IARS1: variants seen among roughly 807,000 people sequenced by gnomAD.
The protein encoded by IARS1 is isoleucine--tRNA ligase, cytoplasmic.
Under a neutral mutation model 168.2 loss-of-function variants are expected in IARS1, and 124 were observed. The ratio of observed to expected loss-of-function variants is 0.74; its 90% CI spans 0.64 to 0.86. The LOEUF is 0.86. Ranked by LOEUF, IARS1 falls within the 40% of genes least tolerant of loss-of-function variation. IARS1 has a pLI of 0.00. For synonymous variants in IARS1, 532 were observed against 529.4 expected, an observed-to-expected ratio of 1.00 and a Z score of -0.07; for missense variants, 1,452 against 1,515.8, an observed-to-expected ratio of 0.96 and a Z score of 0.70.
At chr9:92,282,657 C>T (rs910885577) in intron 6 of IARS1, among the ~76,000 whole-genome samples, 1 of 151,968 alleles carries the variant, frequency 6.6e-6, no homozygotes, top group African/African-American at 2.4e-5. Context: ...GTGGTCTCAG[C>T]TGCTCAGGAG....
At chr9:92,221,212 G>C (rs923438092) in intron 33 of IARS1, among the ~76,000 whole-genome samples, 10 of 152,180 alleles carry the variant, frequency 6.6e-5, no homozygotes, top group African/African-American at 2.4e-4. Flanking sequence ...AAGAGAATAA[G>C]AGGTAGGATA....
chr9:92,266,859 T>C (rs1284651110), intron 14 of IARS1, among the ~76,000 whole-genome samples: 4 of 152,238 alleles, frequency 2.6e-5, no homozygotes, highest in African/African-American at 7.2e-5. Flanking sequence ...TTTCCAGTCA[T>C]GCAGAATCAT....
intron 33 of IARS1, among the ~76,000 whole-genome samples, chr9:92,215,081 G>C (rs868822069): frequency 1.3e-5 from 2 of 152,090 alleles, no homozygotes; most frequent in Non-Finnish European, 2.9e-5. Flanking sequence ...ATCTGAGAAC[G>C]GGCAGACTGC....
At chr9:92,278,307 A>G (rs2133924619) in intron 7 of IARS1, 21 bp from the exon 8 acceptor site, 1 of 1,528,760 alleles carries the variant, frequency 6.5e-7, no homozygotes, top group Non-Finnish European at 9.1e-7. Context: ...AAGGAAAAAC[A>G]TGGACTTGGG....
At chr9:92,284,102 G>A (rs563157917) in intron 6 of IARS1, among the ~76,000 whole-genome samples, 1 of 152,274 alleles carries the variant, frequency 6.6e-6, no homozygotes, top group East Asian at 1.9e-4. Context: ...ACTTGAGCCC[G>A]GGAGGTCAAG....
rs144754696 is a variant in IARS1, at chr9:92,278,279, G to A, written c.753C>T (p.Ala251=). 3.1e-6 allele frequency: 5 copies of A among 1,609,360 alleles called. No homozygotes were observed. The highest frequency in any genetic ancestry group is 4.3e-6 in the Non-Finnish European group (5 of 1,175,776). Residue 251 remains alanine, a synonymous_variant, in exon 8 of 34, where the codon GCC becomes GCT. Coordinates refer to ENST00000443024, the MANE Select transcript of IARS1 (RefSeq NM_002161.6). ...CCATTAAAATGAGTAATCGTCCTCT[G>A]GCAACATCTACGAGAAAAAGGAAAA... is the stretch of plus-strand genomic sequence containing the variant. The part of the protein sequence containing the change: ...EMQYVKIKDV[A]RGRLLILMEA...
chr9:92,253,850 T>A, intron 20 of IARS1: 1 of 483,466 alleles, frequency 2.1e-6, no homozygotes, highest in Non-Finnish European at 4.1e-6. Flanking sequence ...ACACTGTACT[T>A]CAACTAAAAG....
In IARS1 at chr9:92,250,189, T is replaced by C. The variant is rs1396559854; in HGVS notation, c.2530A>G (p.Lys844Glu). ...AAAATAGAAGTAAAATTTCAAACCTTTATGGGAATAGTTTTTCGGTCTCTG... is the reference window on the plus strand; with the variant it reads ...AAAATAGAAGTAAAATTTCAAACCTCTATGGGAATAGTTTTTCGGTCTCTG... The part of the protein sequence containing the change: ...VIRDRKTIPI[K>E]YPLKEIVVIH... Residue 844 changes from lysine (K) to glutamate (E), a missense_variant and splice_region_variant, in exon 24 of 34, where the codon AAG becomes GAG. Lys to Glu is a moderately conservative substitution (Grantham distance 56). Coordinates refer to ENST00000443024, the MANE Select transcript of IARS1 (RefSeq NM_002161.6). 12 of 1,593,442 alleles carry C rather than the reference T, an allele frequency of 7.5e-6. No individual in the cohort carries two copies. Among genetic ancestry groups the C allele is most frequent in the Admixed American group, 6.7e-5 (4 of 59,968 alleles).
intron 33 of IARS1, among the ~76,000 whole-genome samples, chr9:92,212,749 C>T (rs542503453): frequency 1.3e-5 from 2 of 152,070 alleles, no homozygotes; most frequent in African/African-American, 4.8e-5. Context: ...CAAGTGTGTT[C>T]GAGGGAGAGT....
chr9:92,265,605 T>C, intron 14 of IARS1, 52 bp from the exon 15 acceptor site: 2 of 1,343,468 alleles, frequency 1.5e-6, no homozygotes, highest in African/African-American at 1.4e-5. Flanking sequence ...AAACAGAGCA[T>C]ACTGAGTTAA....
At position 92,264,982 on chromosome 9, in the gene IARS1, C is replaced by G; in HGVS notation, c.1647G>C (p.Glu549Asp). 1 of 1,614,134 alleles carries G rather than the reference C, an allele frequency of 6.2e-7. No individual in the cohort carries two copies. Among genetic ancestry groups the G allele is most frequent in the Non-Finnish European group, 8.5e-7 (1 of 1,180,014 alleles). Residue 549 changes from glutamate (E) to aspartate (D), a missense_variant, in exon 16 of 34, where the codon GAG (glutamate) becomes GAC (aspartate). By Grantham distance (45) the Glu-to-Asp change is conservative (BLOSUM62 2). Coordinates refer to ENST00000443024, the MANE Select transcript of IARS1 (RefSeq NM_002161.6). ...CAATGAAATCTGCAGGAAAAGCATC[C>G]TCAAACTCCCTCTTGTTTTCAAACG... The part of the protein sequence containing the change: ...HYPFENKREF[E>D]DAFPADFIAE...
intron 31 of IARS1, among the ~76,000 whole-genome samples, 161 bp downstream of exon 31, chr9:92,228,840 C>A (rs548977078): frequency 7.7e-4 from 93 of 120,332 alleles, no homozygotes; most frequent in African/African-American, 2.5e-3. Flanking sequence ...AATGAGGAGG[C>A]ATGAATAGAC....
intron 29 of IARS1, among the ~76,000 whole-genome samples, chr9:92,241,490 C>CGT (rs1326038678): frequency 4.6e-5 from 7 of 152,040 alleles, no homozygotes; most frequent in Non-Finnish European, 7.4e-5. Flanking sequence ...GGATTACAGG[C>CGT]GTGTACCACC....
At chr9:92,241,982 A>T (rs1469624235) in intron 29 of IARS1, among the ~76,000 whole-genome samples, 172 bp downstream of exon 29, 1 of 151,598 alleles carries the variant, frequency 6.6e-6, no homozygotes, top group Non-Finnish European at 1.5e-5. Context: ...TCCCTGCTCC[A>T]TCTTTTCTGA....
chr9:92,276,515 A>C (rs1454210087), intron 9 of IARS1, among the ~76,000 whole-genome samples: 8 of 152,192 alleles, frequency 5.3e-5, no homozygotes, highest in Non-Finnish European at 1.2e-4. Flanking sequence ...AGGAGGAAGA[A>C]GGCTATCAAG....
intron 33 of IARS1, among the ~76,000 whole-genome samples, chr9:92,211,595 G>T (rs368876971): frequency 6.6e-6 from 1 of 152,220 alleles, no homozygotes; most frequent in East Asian, 1.9e-4. Flanking sequence ...GCAGACTCCT[G>T]GAGCCTTCTG....
At chr9:92,264,003 T>A (rs1393377553) in intron 16 of IARS1, among the ~76,000 whole-genome samples, 1 of 152,202 alleles carries the variant, frequency 6.6e-6, no homozygotes, top group Admixed American at 6.5e-5. Context: ...CAACAATTCC[T>A]TTAACACACC....
In IARS1 at chr9:92,229,090, T is replaced by C; in HGVS notation, c.3320A>G (p.Asn1107Ser). Reference sequence around the variant, plus strand: ...CTTCAGCTTTAAAAGGTCCAACCTATTGTCACCTTTTGGATTTTCCAGGAG... The same window carrying C: ...CTTCAGCTTTAAAAGGTCCAACCTACTGTCACCTTTTGGATTTTCCAGGAG... Reference protein sequence around the residue: ...VLLLENPKGDNRLDLLKLKSV... With the variant: ...VLLLENPKGDSRLDLLKLKSV... The change falls in exon 31 of 34, where the codon AAT becomes AGT. Residue 1107 changes from asparagine (N) to serine (S), a missense_variant. Asn to Ser is a conservative substitution (Grantham distance 46, BLOSUM62 1). Coordinates refer to ENST00000443024, the MANE Select transcript of IARS1 (RefSeq NM_002161.6). 3.1e-6 allele frequency: 5 copies of C among 1,613,988 alleles called. No homozygotes were observed. Among genetic ancestry groups the C allele is most frequent in the Non-Finnish European group, 3.4e-6 (4 of 1,179,972 alleles).
chr9:92,245,538 A>C (rs1406488200), intron 26 of IARS1, among the ~76,000 whole-genome samples: 9 of 152,204 alleles, frequency 5.9e-5, no homozygotes, highest in Non-Finnish European at 1.0e-4. Context: ...ACTGAGCATC[A>C]TGCCTGTTCA....
Sources: allele counts gnomAD v4.1 joint callset (sites outside exome capture counted in the v4.1 genomes callset), GRCh38; gene constraint gnomAD v4.1.1; transcripts MANE v1.5; gene names NCBI Gene and HGNC (gene_info 2026-07-23, HGNC 2026-07-21).